Variants in NEK10 observed in about 807,000 individuals in gnomAD.
NEK10 encodes the protein serine/threonine-protein kinase Nek10.
Under a neutral mutation model 159.8 loss-of-function variants are expected in NEK10, and 122 were observed. The observed-to-expected ratio is 0.76, with a 90% CI of 0.66 to 0.89. The LOEUF (loss-of-function observed/expected upper bound fraction) is 0.89, where lower values mean the gene tolerates loss of function less well. NEK10 is among the 40% of genes least tolerant of loss of function. The probability of loss-of-function intolerance (pLI) is 0.00; values close to 1 mark genes in which losing one functional copy is unlikely to be tolerated. For synonymous variants in NEK10, 466 were observed against 457.1 expected (o/e 1.02, Z -0.25); for missense variants, 1,342 against 1,323.1 (o/e 1.01, Z -0.22).
intron 23 of NEK10, among the ~76,000 whole-genome samples, chr3:27,221,270 C>A (rs1952073139): frequency 6.6e-6 from 1 of 152,182 alleles, no homozygotes; most frequent in Non-Finnish European, 1.5e-5. Flanking sequence ...TGATACATAT[C>A]TGCTTTCCAA....
intron 30 of NEK10, among the ~76,000 whole-genome samples, chr3:27,144,483 A>AT (rs1255378437): frequency 6.6e-6 from 1 of 152,208 alleles, no homozygotes; most frequent in Non-Finnish European, 1.5e-5. Context: ...TAACAAATAC[A>AT]TTTTTAAGTG....
At chr3:27,260,207 T>G (rs572125916) in intron 22 of NEK10, among the ~76,000 whole-genome samples, 12 of 152,292 alleles carry the variant, frequency 7.9e-5, no homozygotes, top group Middle Eastern at 3.4e-3. Flanking sequence ...TGAATACCCT[T>G]TATTTCCTTC....
chr3:27,171,474 C>A (rs756988682), intron 29 of NEK10, among the ~76,000 whole-genome samples: 2 of 152,148 alleles, frequency 1.3e-5, no homozygotes, highest in South Asian at 4.1e-4. Flanking sequence ...GAAACCTATA[C>A]CCTGGGGATA....
At chr3:27,114,706 TG>T (rs913867364) in intron 35 of NEK10, among the ~76,000 whole-genome samples, 3 of 152,154 alleles carry the variant, frequency 2.0e-5, no homozygotes, top group African/African-American at 7.2e-5. Context: ...ATTTAAATAG[TG>T]GTCACAAAAT....
intron 19 of NEK10, among the ~76,000 whole-genome samples, chr3:27,288,195 A>G (rs2042754561): frequency 6.6e-6 from 1 of 152,162 alleles, no homozygotes; most frequent in East Asian, 1.9e-4. Context: ...GCCTATTTAC[A>G]CTATTTCTGT....
intron 31 of NEK10, among the ~76,000 whole-genome samples, chr3:27,139,609 G>A (rs890193617): frequency 1.3e-5 from 2 of 152,160 alleles, no homozygotes; most frequent in African/African-American, 4.8e-5. Flanking sequence ...TCATTGATAT[G>A]GGTGCACGTA....
At chr3:27,279,349 A>G (rs1400309090) in intron 22 of NEK10, among the ~76,000 whole-genome samples, 2 of 152,244 alleles carry the variant, frequency 1.3e-5, no homozygotes, top group African/African-American at 4.8e-5. Context: ...GAGAAAAATA[A>G]AACATAACAA....
intron 23 of NEK10, among the ~76,000 whole-genome samples, chr3:27,222,696 TA>T (rs1262960986): frequency 7.9e-5 from 12 of 152,148 alleles, no homozygotes; most frequent in African/African-American, 2.4e-4. Context: ...CAGAGAGCTA[TA>T]AAAATATATT....
At chr3:27,217,811 G>A (rs1951683970) in intron 23 of NEK10, among the ~76,000 whole-genome samples, 1 of 152,026 alleles carries the variant, frequency 6.6e-6, no homozygotes, top group Admixed American at 6.6e-5. Context: ...CCCTTATCCA[G>A]GGAAAATATG....
intron 31 of NEK10, among the ~76,000 whole-genome samples, chr3:27,134,164 T>C (rs1411023322): frequency 2.0e-5 from 3 of 151,988 alleles, no homozygotes; most frequent in East Asian, 1.9e-4. Flanking sequence ...AAATGATATA[T>C]GTGTGTGAGA....
At chr3:27,153,764 A>C (rs1040164761) in intron 30 of NEK10, among the ~76,000 whole-genome samples, 1 of 152,182 alleles carries the variant, frequency 6.6e-6, no homozygotes, top group African/African-American at 2.4e-5. Flanking sequence ...TTGAATGACA[A>C]TAATGACACA....
intron 1 of NEK10, among the ~76,000 whole-genome samples, chr3:27,358,525 C>A (rs1362046001): frequency 6.6e-6 from 1 of 152,190 alleles, no homozygotes; most frequent in Non-Finnish European, 1.5e-5. Context: ...AGAGGCCCCT[C>A]ATTTGCTCGT....
Position 27,156,398 on chromosome 3 carries a change from T to C in NEK10, c.2869+6303A>G, listed in dbSNP as rs185987052. ...AGTGGGAGAAAATCTTCACAATCTA[T>C]AAATGTGACAAAGGACTAATATCTA... is the stretch of plus-strand genomic sequence containing the variant. On this transcript the variant is annotated intron_variant, in intron 30 of 35. Transcript: ENST00000691995. Among the ~76,000 whole-genome samples, 9 of 152,106 alleles carry C rather than the reference T, an allele frequency of 5.9e-5. No individual in the cohort carries two copies. In the East Asian group the frequency reaches 1.4e-3, roughly 23 times the overall value.
intron 29 of NEK10, among the ~76,000 whole-genome samples, chr3:27,163,101 C>A (rs1371116702): frequency 1.5e-5 from 2 of 133,350 alleles, no homozygotes; most frequent in African/African-American, 2.4e-5. Context: ...TTTGTCCCTG[C>A]TCTATTAAAA....
rs1481371072 is a variant in NEK10, at chr3:27,258,713, T to A, written c.2015-2342A>T. On this transcript the variant is annotated intron_variant, in intron 22 of 35. Coordinates refer to ENST00000691995, the MANE Select transcript of NEK10 (RefSeq NM_001394966.1). ...TGTGTCTTTATATCAGCATGATTTATAATTCTTTGGGTACATACCCAGTAA... is the reference window on the plus strand; with the variant it reads ...TGTGTCTTTATATCAGCATGATTTAAAATTCTTTGGGTACATACCCAGTAA... Among the ~76,000 whole-genome samples the A allele has an allele frequency of 3.3e-5, 5 of 152,348 alleles. No homozygotes were observed. In the East Asian group the frequency reaches 9.6e-4, roughly 29 times the overall value.
chr3:27,261,057 C>T lies in NEK10; in HGVS notation c.2015-4686G>A, dbSNP rs912279367. 1.4e-4 allele frequency among the ~76,000 whole-genome samples: 22 copies of T among 152,162 alleles called. 1 individual carries two copies. The highest frequency in any genetic ancestry group is 8.3e-4 in the South Asian group (4 of 4,822). The stretch of plus-strand genomic sequence containing the variant: ...ATGGTAGTTTGTATTTCTGTGGGAT[C>T]GGTGGTGATATCCCCTTTATCATTT... On this transcript the variant is annotated intron_variant, in intron 22 of 35. Transcript: ENST00000691995.
At chr3:27,260,220 C>T (rs2040277811) in intron 22 of NEK10, among the ~76,000 whole-genome samples, 2 of 152,224 alleles carry the variant, frequency 1.3e-5, no homozygotes, top group South Asian at 4.1e-4. Context: ...TTTCCTTCTC[C>T]TGCCTGATTG....
chr3:27,114,368 A>C (rs1461222080), intron 35 of NEK10, among the ~76,000 whole-genome samples: 2 of 152,180 alleles, frequency 1.3e-5, no homozygotes, highest in Non-Finnish European at 2.9e-5. Flanking sequence ...TGGAGATGGT[A>C]ATTTCTATTG....
intron 35 of NEK10, among the ~76,000 whole-genome samples, chr3:27,114,652 C>G (rs1940112374): frequency 6.6e-6 from 1 of 152,182 alleles, no homozygotes; most frequent in Non-Finnish European, 1.5e-5. Flanking sequence ...CCCTCTTTCT[C>G]TTCCCGTTGT....
Sources: allele counts gnomAD v4.1 joint callset (sites outside exome capture counted in the v4.1 genomes callset), GRCh38; gene constraint gnomAD v4.1.1; transcripts MANE v1.5; gene names NCBI Gene and HGNC (gene_info 2026-07-23, HGNC 2026-07-21).